The following FAM110A variants were observed in gnomAD, a reference collection of about 807,000 sequenced individuals.
FAM110A encodes family with sequence similarity 110 member A.
FAM110A carries 1 observed loss-of-function variant against 4.0 expected under a neutral mutation model. The observed-to-expected ratio is 0.25, with a 90% CI of 0.09 to 1.20. FAM110A has a LOEUF of 1.20. Among genes scored for constraint, FAM110A ranks in the 50% most tolerant of loss-of-function variants. The pLI, the probability that FAM110A is intolerant of heterozygous loss-of-function variation, is 0.50. For synonymous variants in FAM110A, 217 were observed against 196.8 expected, an observed-to-expected ratio of 1.10 and a Z score of -0.86; for missense variants, 436 against 429.2, an observed-to-expected ratio of 1.02 and a Z score of -0.14.
rs1979822225 is a variant in FAM110A, at chr20:840,391, T to C, written c.-97-4317T>C. On this transcript the variant is annotated intron_variant, in intron 1 of 1. Transcript: ENST00000381941. This position sits in a 1 kb window ranked among gnomAD's most constrained non-coding sequence, Gnocchi z 4.4. ...ACAGCTCCTTCTCTGGGCCTCAGGA[T>C]TCCCATGAAAAAATGGCCTATCAAA... is the stretch of plus-strand genomic sequence containing the variant. Among the ~76,000 whole-genome samples, 1 of 152,182 alleles carries C rather than the reference T, an allele frequency of 6.6e-6. No individual in the cohort carries two copies. Among genetic ancestry groups the C allele is most frequent in the Non-Finnish European group, 1.5e-5 (1 of 68,030 alleles).
At position 844,927 on chromosome 20, in the gene FAM110A, C is replaced by G; in HGVS notation, c.123C>G (p.Ser41Arg). 1 of 1,578,258 alleles carries G rather than the reference C, an allele frequency of 6.3e-7. No homozygotes were observed. Among genetic ancestry groups the G allele is most frequent in the Non-Finnish European group, 8.6e-7 (1 of 1,163,106 alleles). ...GPADGGARKP[S>R]AVERLEADKA... is the part of the protein sequence containing the mutation. ...CAGATGGTGGAGCCCGGAAACCGAG[C>G]GCTGTGGAGCGCCTGGAGGCCGACA... The change falls in exon 2 of 2, where the codon AGC becomes AGG. Residue 41 changes from serine (S) to arginine (R), a missense_variant. By Grantham distance (110) the Ser-to-Arg change is moderately radical. Coordinates refer to ENST00000381941, the MANE Select transcript of FAM110A (RefSeq NM_001042353.3).
intron 1 of FAM110A, among the ~76,000 whole-genome samples, chr20:839,211 A>G (rs1473876929): frequency 1.3e-5 from 2 of 152,006 alleles, no homozygotes; most frequent in Non-Finnish European, 2.9e-5. Flanking sequence ...TCCTGGCTCT[A>G]CCATTAATCA....
rs551887056 is a variant in FAM110A at position 840,082 on chromosome 20, G to C, written c.-97-4626G>C. ...TTGCTTTGCTGTTACTACTATTAGC[G>C]CCTGAAGGAGCCTTCCCTCCCCATC... On this transcript the variant is annotated intron_variant, in intron 1 of 1. Coordinates refer to ENST00000381941, the MANE Select transcript of FAM110A (RefSeq NM_001042353.3). This position sits in a 1 kb window ranked among gnomAD's most constrained non-coding sequence, Gnocchi z 4.4. 12 of 697,256 alleles carry C rather than the reference G, an allele frequency of 1.7e-5. No individual in the cohort carries two copies. The East Asian group carries it at 3.3e-4, about 19-fold the overall frequency. 43.2% of individuals were successfully genotyped at this position (697,256 alleles called of 1,614,324 possible). A position where few individuals can be genotyped will look rare whatever the true frequency, so the allele number is the denominator to read the frequency against.
rs1980201663 is a variant in FAM110A at position 845,004 on chromosome 20, T to G, written c.200T>G (p.Val67Gly). 2 of 1,596,146 alleles carry G rather than the reference T, an allele frequency of 1.3e-6. No individual in the cohort carries two copies. The highest frequency in any genetic ancestry group is 1.3e-5 in the African/African-American group (1 of 74,426). ...LHVANTRQEPVQPLLSKQPLF... is the reference protein window; with the variant it reads ...LHVANTRQEPGQPLLSKQPLF... ...GTGGCCAACACCCGCCAGGAGCCTG[T>G]GCAGCCCCTGCTGTCCAAACAGCCG... The change falls in exon 2 of 2, where the codon GTG becomes GGG. Residue 67 changes from valine (V) to glycine (G), a missense_variant. By Grantham distance (109) the Val-to-Gly change is moderately radical (BLOSUM62 -3). Coordinates refer to ENST00000381941, the MANE Select transcript of FAM110A (RefSeq NM_001042353.3).
In FAM110A at chr20:845,701, G is replaced by T. The variant is rs1399250676; in HGVS notation, c.*9G>T. 1 of 1,613,768 alleles carries T rather than the reference G, an allele frequency of 6.2e-7. No homozygotes were observed. The highest frequency in any genetic ancestry group is 1.3e-5 in the African/African-American group (1 of 74,940). On this transcript the variant is annotated 3_prime_UTR_variant, in exon 2 of 2. Coordinates refer to ENST00000381941, the MANE Select transcript of FAM110A (RefSeq NM_001042353.3). ...CAGCAGCTGAAGGCTAGGCGCCACT[G>T]GGCCTGGAATTCGCCACAGGACGGA...
chr20:835,190 C>A lies in FAM110A; in HGVS notation c.-98+1239C>A, dbSNP rs554076742. Among the ~76,000 whole-genome samples, 600 of 125,848 alleles carry A rather than the reference C, an allele frequency of 4.8e-3. 4 individuals are homozygous for A. The highest frequency in any genetic ancestry group is 0.016 in the African/African-American group (516 of 31,326). 82.6% of individuals were successfully genotyped at this position (125,848 alleles called of 152,430 possible). A position where few individuals can be genotyped will look rare whatever the true frequency, so the allele number is the denominator to read the frequency against. The stretch of plus-strand genomic sequence containing the variant: ...TCTCTCTCTCTCTCTCTCTCTCTCT[C>A]TCTCTCTCTCTATATATATATATAC... On this transcript the variant is annotated intron_variant, in intron 1 of 1. Coordinates refer to ENST00000381941, the MANE Select transcript of FAM110A (RefSeq NM_001042353.3).
intron 1 of FAM110A, chr20:839,981 G>A: frequency 2.3e-6 from 3 of 1,330,356 alleles, no homozygotes; most frequent in Non-Finnish European, 3.2e-6. Context: ...TCAGCATCTT[G>A]GCAGCTGTAG....
intron 1 of FAM110A, 143 bp from the exon 2 acceptor site, chr20:844,565 T>G: frequency 4.3e-6 from 2 of 464,034 alleles, no homozygotes; most frequent in Non-Finnish European, 7.0e-6. Flanking sequence ...AGCTGCTGCC[T>G]TGTGCCTGCT....
Position 845,381 on chromosome 20 carries a change from G to T in FAM110A, c.577G>T (p.Glu193Ter), listed in dbSNP as rs1282779565. 1.2e-6 allele frequency: 2 copies of T among 1,612,804 alleles called. No individual in the cohort carries two copies. The highest frequency in any genetic ancestry group is 2.2e-5 in the South Asian group (2 of 90,986). The part of the protein sequence containing the change: ...GLQRSKSDLS[E>*]RFSRAAADLE... Reference sequence around the variant, plus strand: ...GCAACGCTCCAAGTCGGACTTGAGCGAGCGCTTTTCTAGGGCAGCCGCTGA... The same window carrying T: ...GCAACGCTCCAAGTCGGACTTGAGCTAGCGCTTTTCTAGGGCAGCCGCTGA... The change falls in exon 2 of 2, where the codon GAG becomes TAG. Residue 193 changes from glutamate (E) to a stop codon, truncating the protein, a stop_gained. Transcript: ENST00000381941. LOFTEE classifies it high-confidence loss of function.
At chr20:843,691 G>A (rs577537075) in intron 1 of FAM110A, among the ~76,000 whole-genome samples, 47 of 152,294 alleles carry the variant, frequency 3.1e-4, no homozygotes, top group African/African-American at 1.1e-3. Context: ...GCCTTGTGGG[G>A]TGACTCTGTG....
At chr20:841,033 G>T (rs971520850) in intron 1 of FAM110A, among the ~76,000 whole-genome samples, 8 of 152,148 alleles carry the variant, frequency 5.3e-5, no homozygotes, top group African/African-American at 1.4e-4. Context: ...CCAGAGCCAC[G>T]GGGACCCCGC....
chr20:841,923 C>A (rs1474670378), intron 1 of FAM110A, among the ~76,000 whole-genome samples: 1 of 152,220 alleles, frequency 6.6e-6, no homozygotes, highest in African/African-American at 2.4e-5. Flanking sequence ...GCGGTGTGGG[C>A]TGGGACAGAC....
Position 834,246 on chromosome 20 carries a change from C to T in FAM110A, c.-98+295C>T, listed in dbSNP as rs1172688479. ...GTTTTATCGGCAGGGACCTGTAGAC[C>T]CCTGGCTGGATCACATATCCCCGCG... On this transcript the variant is annotated intron_variant, in intron 1 of 1. Coordinates refer to ENST00000381941, the MANE Select transcript of FAM110A (RefSeq NM_001042353.3). The surrounding 1 kb of genome is among the most constrained non-coding windows in gnomAD (Gnocchi z 5.6). 6.6e-6 allele frequency among the ~76,000 whole-genome samples: 1 copy of T among 152,194 alleles called. No homozygotes were observed. The highest frequency in any genetic ancestry group is 1.5e-5 in the Non-Finnish European group (1 of 68,038).
At chr20:842,247 C>A (rs1168222116) in intron 1 of FAM110A, among the ~76,000 whole-genome samples, 2 of 152,212 alleles carry the variant, frequency 1.3e-5, no homozygotes, top group Non-Finnish European at 2.9e-5. Context: ...GGTTGGCTCT[C>A]GCATCTGTCC....
intron 1 of FAM110A, among the ~76,000 whole-genome samples, chr20:839,002 T>G (rs1162289405): frequency 6.6e-6 from 1 of 152,078 alleles, no homozygotes; most frequent in Non-Finnish European, 1.5e-5. Context: ...TGCCCCCATT[T>G]TACAGCAGAG....
intron 1 of FAM110A, among the ~76,000 whole-genome samples, chr20:837,055 T>G (rs79455119): frequency 1.4e-5 from 2 of 140,928 alleles, no homozygotes; most frequent in Non-Finnish European, 3.1e-5. Flanking sequence ...GTTTTTTTTT[T>G]TTTTTTTTTT....
In FAM110A at chr20:845,423, A is replaced by G; in HGVS notation, c.619A>G (p.Asn207Asp). 1 of 1,613,732 alleles carries G rather than the reference A, an allele frequency of 6.2e-7. No individual in the cohort carries two copies. Among genetic ancestry groups the G allele is most frequent in the Non-Finnish European group, 8.5e-7 (1 of 1,179,896 alleles). ...AGCCGCTGATCTCGAGCGCTTTTTT[A>G]ACTTCTGCGGCCTGGACCCGGAGGA... ...RAAADLERFF[N>D]FCGLDPEEAR... Residue 207 changes from asparagine to aspartate, a missense_variant, in exon 2 of 2, where the codon AAC becomes GAC. Transcript: ENST00000381941.
rs1412768404 is a variant in FAM110A at position 840,068 on chromosome 20, TTAC to T, written c.-97-4634_-97-4632del. ...GAAAATCATTATTGTTGCTTTGCTG[TTAC>T]TACTATTAGCGCCTGAAGGAGCCTT... is the stretch of plus-strand genomic sequence containing the variant. On this transcript the variant is annotated intron_variant, in intron 1 of 1. Coordinates refer to ENST00000381941, the MANE Select transcript of FAM110A (RefSeq NM_001042353.3). The surrounding 1 kb of genome is among the most constrained non-coding windows in gnomAD (Gnocchi z 4.4). 12 of 751,856 alleles carry T rather than the reference TTAC, an allele frequency of 1.6e-5. No homozygotes were observed. Among genetic ancestry groups the T allele is most frequent in the Non-Finnish European group, 2.7e-5 (12 of 438,310 alleles). The allele number at this position is 751,856 out of a possible 1,614,324, so 46.6% of individuals were successfully genotyped here. A position where few individuals can be genotyped will look rare whatever the true frequency, so the allele number is the denominator to read the frequency against.
At chr20:842,305 G>T (rs944498724) in intron 1 of FAM110A, among the ~76,000 whole-genome samples, 3 of 152,010 alleles carry the variant, frequency 2.0e-5, no homozygotes, top group Admixed American at 6.6e-5. Flanking sequence ...GGCCAGAGGG[G>T]CTGGGGGCCC....
Sources: allele counts gnomAD v4.1 joint callset (sites outside exome capture counted in the v4.1 genomes callset), GRCh38; gene constraint gnomAD v4.1.1; non-coding constraint Gnocchi (gnomAD v3.1); transcripts MANE v1.5; gene names NCBI Gene and HGNC (gene_info 2026-07-23, HGNC 2026-07-21).